SMURF2: variants seen among roughly 807,000 people sequenced by gnomAD.
SMURF2 encodes the protein E3 ubiquitin-protein ligase SMURF2.
In SMURF2, 48 loss-of-function variants were observed where a neutral mutation model predicts 109.6. The ratio of observed to expected loss-of-function variants is 0.44; its 90% CI spans 0.35 to 0.56. SMURF2 has a LOEUF of 0.56. SMURF2 is among the 20% of genes least tolerant of loss of function. SMURF2 has a pLI of 0.01. For synonymous variants in SMURF2, 288 were observed against 317.1 expected, an observed-to-expected ratio of 0.91 and a Z score of 0.97; for missense variants, 575 against 909.0, an observed-to-expected ratio of 0.63 and a Z score of 4.72.
intron 6 of SMURF2, among the ~76,000 whole-genome samples, chr17:64,584,014 G>C (rs979407301): frequency 1.1e-4 from 17 of 151,970 alleles, no homozygotes; most frequent in Non-Finnish European, 2.1e-4. Flanking sequence ...TAAAAATGAA[G>C]ACTATTGGCT....
chr17:64,576,257 G>A (rs1969488591), intron 9 of SMURF2, among the ~76,000 whole-genome samples: 2 of 151,910 alleles, frequency 1.3e-5, no homozygotes, highest in African/African-American at 2.4e-5. Context: ...AAAAATTATG[G>A]TAAATCACTA....
At chr17:64,650,859 T>A (rs551193391) in intron 1 of SMURF2, among the ~76,000 whole-genome samples, 57 of 151,142 alleles carry the variant, frequency 3.8e-4, no homozygotes, top group Admixed American at 1.1e-3. Context: ...GAAAATGAGA[T>A]CTACATTATG....
Position 64,661,823 on chromosome 17 carries a change from C to G in SMURF2, c.52+6G>C, listed in dbSNP as rs1406025236. The G allele has an allele frequency of 6.5e-6, 8 of 1,222,482 alleles. No homozygotes were observed. Among genetic ancestry groups the G allele is most frequent in the Non-Finnish European group, 8.1e-6 (8 of 982,008 alleles). The allele number at this position is 1,222,482 out of a possible 1,614,324, so 75.7% of individuals were successfully genotyped here. On this transcript the variant is annotated splice_donor_region_variant and intron_variant, in intron 1 of 18. Coordinates refer to ENST00000262435, the MANE Select transcript of SMURF2 (RefSeq NM_022739.4). The stretch of plus-strand genomic sequence containing the variant: ...CTGCCCAGCCCGGCCCGCCGCCCCC[C>G]CTCACCTGTCAGGCGCAGCTTGACG...
chr17:64,547,568 C>A lies in SMURF2; in HGVS notation c.2071+32G>T. The A allele has an allele frequency of 6.2e-7, 1 of 1,605,868 alleles. No homozygotes were observed. Among genetic ancestry groups the A allele is most frequent in the Non-Finnish European group, 8.5e-7 (1 of 1,172,832 alleles). ...ACGCTGACAGCCCCGCCCCCACCCG[C>A]TGCCCAGCTTGCCTGCACCTCAGGC... On this transcript the variant is annotated intron_variant, in intron 17 of 18. Coordinates refer to ENST00000262435, the MANE Select transcript of SMURF2 (RefSeq NM_022739.4). This position sits in a 1 kb window ranked among gnomAD's most constrained non-coding sequence, Gnocchi z 4.2.
At chr17:64,579,594 C>T (rs1969551850) in intron 8 of SMURF2, among the ~76,000 whole-genome samples, 1 of 152,118 alleles carries the variant, frequency 6.6e-6, no homozygotes, top group Admixed American at 6.6e-5. Context: ...AAAGAGCTTG[C>T]CTTATAATCT....
chr17:64,570,928 G>C lies in SMURF2; in HGVS notation c.1016+870C>G, dbSNP rs569434298. ...CCTGAGTAGCTGGGACCACAGGTGC[G>C]CACCACCATGACCAGCTAATTTTAA... On this transcript the variant is annotated intron_variant, in intron 10 of 18. Transcript: ENST00000262435. Among the ~76,000 whole-genome samples the C allele has an allele frequency of 3.3e-5, 5 of 152,182 alleles. No homozygotes were observed. The South Asian group carries it at 1.0e-3, about 32-fold the overall frequency.
At chr17:64,565,849 T>A (rs1555684904) in intron 10 of SMURF2, among the ~76,000 whole-genome samples, 2 of 152,048 alleles carry the variant, frequency 1.3e-5, no homozygotes, top group African/African-American at 4.8e-5. Flanking sequence ...AAAAACATGC[T>A]TTTCAAGCAA....
In SMURF2 at chr17:64,580,405, G is replaced by A. The variant is rs532298206; in HGVS notation, c.772+384C>T. ...TTTAAAATTATTTCTAAATATATAT[G>A]TCTAAAAAATTATGTCATAGGTTGA... On this transcript the variant is annotated intron_variant, in intron 8 of 18. Transcript: ENST00000262435. Among the ~76,000 whole-genome samples the A allele has an allele frequency of 2.2e-3, 330 of 152,178 alleles. 4 individuals are homozygous for A. Among genetic ancestry groups the A allele is most frequent in the Non-Finnish European group, 2.8e-3 (189 of 68,004 alleles).
intron 4 of SMURF2, chr17:64,593,066 A>T (rs1356861880): frequency 3.9e-5 from 6 of 152,470 alleles, no homozygotes; most frequent in African/African-American, 1.4e-4. Context: ...AAGGATACTA[A>T]GAAATTTTAA....
rs1039782969 is a variant in SMURF2 at position 64,606,726 on chromosome 17, G to A, written c.53-86C>T. On this transcript the variant is annotated intron_variant, in intron 1 of 18. Coordinates refer to ENST00000262435, the MANE Select transcript of SMURF2 (RefSeq NM_022739.4). ...ACATTTTAAAACACGGAAAACAGCA[G>A]TGAATAGTTAAACCCTAACTATAGC... The A allele has an allele frequency of 1.3e-5, 13 of 973,772 alleles. No individual in the cohort carries two copies. The African/African-American group carries it at 2.0e-4, about 15-fold the overall frequency. The allele number at this position is 973,772 out of a possible 1,614,324, so 60.3% of individuals were successfully genotyped here.
intron 9 of SMURF2, among the ~76,000 whole-genome samples, chr17:64,578,204 A>G (rs1004758561): frequency 2.0e-5 from 3 of 151,940 alleles, no homozygotes; most frequent in Non-Finnish European, 4.4e-5. Context: ...TTGGCCTCCC[A>G]AAGTGCTGGG....
At chr17:64,595,699 G>A (rs761589900) in intron 3 of SMURF2, among the ~76,000 whole-genome samples, 5 of 152,152 alleles carry the variant, frequency 3.3e-5, no homozygotes, top group Non-Finnish European at 7.3e-5. Flanking sequence ...AATCATAAGA[G>A]ATGCTTCTGA....
intron 9 of SMURF2, among the ~76,000 whole-genome samples, chr17:64,572,458 T>C (rs1555685652): frequency 6.6e-6 from 1 of 152,208 alleles, no homozygotes; most frequent in African/African-American, 2.4e-5. Context: ...AATCACAGCA[T>C]ATTTTTAAAG....
chr17:64,599,188 G>A (rs1263144852), intron 2 of SMURF2, among the ~76,000 whole-genome samples: 1 of 152,098 alleles, frequency 6.6e-6, no homozygotes, highest in Non-Finnish European at 1.5e-5. Flanking sequence ...GGTAAACACT[G>A]TTATTATCCC....
intron 1 of SMURF2, among the ~76,000 whole-genome samples, chr17:64,654,821 C>T (rs1206925383): frequency 6.6e-6 from 1 of 151,946 alleles, no homozygotes; most frequent in Non-Finnish European, 1.5e-5. Flanking sequence ...AAGAGCAAAA[C>T]TCAGTATCAA....
intron 12 of SMURF2, among the ~76,000 whole-genome samples, chr17:64,560,212 C>G (rs1257992588): frequency 6.6e-6 from 1 of 151,864 alleles, no homozygotes; most frequent in African/African-American, 2.4e-5. Flanking sequence ...GAGTGAGACC[C>G]CGTCTCTAAA....
chr17:64,637,563 T>C (rs1183977818), intron 1 of SMURF2, among the ~76,000 whole-genome samples: 1 of 151,864 alleles, frequency 6.6e-6, no homozygotes, highest in Non-Finnish European at 1.5e-5. Context: ...CAACACATTA[T>C]TATTATTATT....
intron 1 of SMURF2, among the ~76,000 whole-genome samples, chr17:64,638,193 G>A (rs938554824): frequency 6.6e-6 from 1 of 150,934 alleles, no homozygotes; most frequent in Admixed American, 6.6e-5. Context: ...AGCCTCCCAA[G>A]TAGCTAGGAT....
At position 64,566,561 on chromosome 17, in the gene SMURF2, GTTTTTTTTTTTTTTTT is replaced by G. The variant is rs1164717270; in HGVS notation, c.1017-3611_1017-3596del. ...GATGTAGAAATGCTTAAGCTTTCTG[GTTTTTTTTTTTTTTTT>G]TTTTTTTTTTTTTTGAGACAGTCTC... On this transcript the variant is annotated intron_variant, in intron 10 of 18. Coordinates refer to ENST00000262435, the MANE Select transcript of SMURF2 (RefSeq NM_022739.4). 5.3e-4 allele frequency among the ~76,000 whole-genome samples: 23 copies of G among 43,802 alleles called. 2 individuals carry two copies. In the East Asian group the frequency reaches 9.8e-3, roughly 19 times the overall value. The allele number at this position is 43,802 out of a possible 152,430, so 28.7% of individuals were successfully genotyped here.
Sources: allele counts gnomAD v4.1 joint callset (sites outside exome capture counted in the v4.1 genomes callset), GRCh38; gene constraint gnomAD v4.1.1; non-coding constraint Gnocchi (gnomAD v3.1); transcripts MANE v1.5; gene names NCBI Gene and HGNC (gene_info 2026-07-23, HGNC 2026-07-21).